Variants in PWWP2A observed in about 807,000 individuals in gnomAD.
PWWP2A encodes the protein PWWP domain-containing protein 2A.
A neutral mutation model predicts 48.5 loss-of-function variants in PWWP2A; 18 were observed. The observed-to-expected ratio is 0.37, with a 90% CI of 0.26 to 0.55. The LOEUF (loss-of-function observed/expected upper bound fraction) is 0.55. PWWP2A is among the 20% of genes least tolerant of loss of function. The pLI is 0.81. For missense variants in PWWP2A, 867 were observed against 976.4 expected (o/e 0.89, Z 1.49); for synonymous variants, 396 against 387.7 (o/e 1.02, Z -0.25).
chr5:160,093,567 C>G lies in PWWP2A; in HGVS notation c.1083G>C (p.Val361=). Residue 361 remains valine, a synonymous_variant, in exon 2 of 2, where the codon GTG becomes GTC. Transcript: ENST00000307063. This position sits in a 1 kb window ranked among gnomAD's most constrained non-coding sequence, Gnocchi z 5.8. ...KKRRNESVTT[V]NKKLKTDHKV... ...TATGGTCAGTTTTCAGTTTTTTGTT[C>G]ACAGTAGTTACACTTTCATTTCTCC... 6.2e-7 allele frequency: 1 copy of G among 1,613,278 alleles called. No individual in the cohort carries two copies. Among genetic ancestry groups the G allele is most frequent in the Non-Finnish European group, 8.5e-7 (1 of 1,179,744 alleles).
chr5:160,088,556 G>A (rs572922141), downstream of PWWP2A, among the ~76,000 whole-genome samples: 42 of 152,182 alleles, frequency 2.8e-4, no homozygotes, highest in African/African-American at 8.7e-4. Context: ...AGCCATATCC[G>A]GCATTTTTTA....
chr5:160,113,676 G>A (rs1431061061), intron 1 of PWWP2A, among the ~76,000 whole-genome samples: 2 of 152,208 alleles, frequency 1.3e-5, no homozygotes, highest in Non-Finnish European at 2.9e-5. Flanking sequence ...AACTAGTGGA[G>A]TCTCCGGAGC....
downstream of PWWP2A, among the ~76,000 whole-genome samples, chr5:160,059,743 G>A (rs563684317): frequency 6.6e-6 from 1 of 152,246 alleles, no homozygotes. Context: ...GCAGTTCATG[G>A]CACCCCAAAA....
chr5:160,099,347 C>T (rs1297074267), intron 1 of PWWP2A, among the ~76,000 whole-genome samples: 1 of 152,214 alleles, frequency 6.6e-6, no homozygotes, highest in Non-Finnish European at 1.5e-5. Flanking sequence ...TAACCCTTAT[C>T]CACTTTCAGT....
At chr5:160,049,710 G>T in the PWWP2A span, 1 of 1,396,754 alleles carries the variant, frequency 7.2e-7, no homozygotes, top group Non-Finnish European at 9.5e-7. Flanking sequence ...TCTTTGTGTT[G>T]CTACCCAGTG....
rs1483235262 is a variant in PWWP2A, at chr5:160,109,811, AATAAT to A, written c.584+8989_584+8993del. On this transcript the variant is annotated intron_variant, in intron 1 of 1. Coordinates refer to ENST00000307063, the MANE Select transcript of PWWP2A (RefSeq NM_001130864.2). ...TATATATATATATATATATATATAAAATAATATAATAATATATATATATATATATA... is the reference window on the plus strand; with the variant it reads ...TATATATATATATATATATATATAAAATAATAATATATATATATATATATA... Among the ~76,000 whole-genome samples, 5 of 125,264 alleles carry A rather than the reference AATAAT, an allele frequency of 4.0e-5. No individual in the cohort carries two copies. In the South Asian group the frequency reaches 7.8e-4, roughly 20 times the overall value. 82.2% of individuals were successfully genotyped at this position (125,264 alleles called of 152,430 possible).
At chr5:160,102,851 C>A (rs1018123451) in intron 1 of PWWP2A, among the ~76,000 whole-genome samples, 1 of 152,120 alleles carries the variant, frequency 6.6e-6, no homozygotes, top group African/African-American at 2.4e-5. Flanking sequence ...GTCCTTATTA[C>A]ATAATTGCTA....
At chr5:160,045,956 T>C in the PWWP2A span, among the ~76,000 whole-genome samples, 1 of 152,140 alleles carries the variant, frequency 6.6e-6, no homozygotes, top group South Asian at 2.1e-4. Context: ...TTGGCCAGGC[T>C]GCTCTCGAAC....
downstream of PWWP2A, among the ~76,000 whole-genome samples, chr5:160,089,071 T>A (rs1019969342): frequency 6.6e-6 from 1 of 152,212 alleles, no homozygotes; most frequent in African/African-American, 2.4e-5. Context: ...CTATTCAACT[T>A]AGTACTAATC....
downstream of PWWP2A, among the ~76,000 whole-genome samples, chr5:160,058,571 C>T (rs558963944): frequency 4.6e-5 from 7 of 152,080 alleles, no homozygotes; most frequent in African/African-American, 1.2e-4. Flanking sequence ...CCACCAAGCC[C>T]GGCTAATTTT....
rs1326151921 is a variant in PWWP2A, at chr5:160,092,331, T to C, written c.*51A>G. 2 of 1,475,254 alleles carry C rather than the reference T, an allele frequency of 1.4e-6. No individual in the cohort carries two copies. The highest frequency in any genetic ancestry group is 1.8e-6 in the Non-Finnish European group (2 of 1,112,918). 91.4% of individuals were successfully genotyped at this position (1,475,254 alleles called of 1,614,324 possible). ...TTGTAGAAATTATTCCTAACTAGACTAGAAAATCTGTGGTGACTTCCAATG... is the reference window on the plus strand; with the variant it reads ...TTGTAGAAATTATTCCTAACTAGACCAGAAAATCTGTGGTGACTTCCAATG... On this transcript the variant is annotated 3_prime_UTR_variant, in exon 2 of 2. Coordinates refer to ENST00000307063, the MANE Select transcript of PWWP2A (RefSeq NM_001130864.2).
intron 1 of PWWP2A, among the ~76,000 whole-genome samples, chr5:160,117,058 G>A (rs962770208): frequency 6.6e-6 from 1 of 152,090 alleles, no homozygotes; most frequent in Non-Finnish European, 1.5e-5. Context: ...TACCACTGCA[G>A]CCTGGACAAC....
chr5:160,115,755 T>C (rs1246127497), intron 1 of PWWP2A, among the ~76,000 whole-genome samples: 2 of 151,466 alleles, frequency 1.3e-5, no homozygotes, highest in Admixed American at 6.6e-5. Context: ...TCCCAGCTAT[T>C]TGGGAAGCTG....
downstream of PWWP2A, among the ~76,000 whole-genome samples, chr5:160,071,622 C>T (rs1753740709): frequency 6.6e-6 from 1 of 152,138 alleles, no homozygotes; most frequent in Non-Finnish European, 1.5e-5. Context: ...TGAGACACCA[C>T]GTAGGATGGG....
intron 1 of PWWP2A, among the ~76,000 whole-genome samples, chr5:160,095,687 T>G: frequency 4.0e-4 from 1 of 2,502 alleles, no homozygotes; most frequent in African/African-American, 2.1e-3. Flanking sequence ...CGAAATGTTC[T>G]TTTTTTTTTT....
intron 1 of PWWP2A, among the ~76,000 whole-genome samples, chr5:160,114,986 A>T (rs1275112592): frequency 6.6e-6 from 1 of 151,816 alleles, no homozygotes; most frequent in South Asian, 2.1e-4. Flanking sequence ...AAATACAAAA[A>T]ATTAGCCAGG....
chr5:160,110,472 C>T (rs1021793468), intron 1 of PWWP2A, among the ~76,000 whole-genome samples: 2 of 152,008 alleles, frequency 1.3e-5, no homozygotes, highest in African/African-American at 2.4e-5. Flanking sequence ...TTTGGGAGGC[C>T]GCGGCAGATG....
At chr5:160,111,260 C>T (rs747940991) in intron 1 of PWWP2A, among the ~76,000 whole-genome samples, 16 of 152,148 alleles carry the variant, frequency 1.1e-4, no homozygotes, top group Non-Finnish European at 2.1e-4. Context: ...CTCTAACTCC[C>T]GGGTTCAAGC....
chr5:160,065,421 G>GA, intron 4 of PWWP2A: 1 of 470,812 alleles, frequency 2.1e-6, no homozygotes, highest in South Asian at 1.5e-5. Context: ...TTGGTTGGGA[G>GA]ACTGCCCAGA....
Sources: allele counts gnomAD v4.1 joint callset (sites outside exome capture counted in the v4.1 genomes callset), GRCh38; gene constraint gnomAD v4.1.1; non-coding constraint Gnocchi (gnomAD v3.1); transcripts MANE v1.5; gene names NCBI Gene and HGNC (gene_info 2026-07-23, HGNC 2026-07-21).